Variants in RBPJ observed in about 807,000 individuals in gnomAD.
RBPJ encodes the protein recombination signal binding protein for immunoglobulin kappa J region.
RBPJ carries 9 observed loss-of-function variants against 67.8 expected under a neutral mutation model. That is an observed-to-expected ratio of 0.13 (90% CI 0.08 to 0.23). The LOEUF is 0.23. RBPJ is among the 10% of genes least tolerant of loss of function. RBPJ has a pLI of 1.00. For missense variants in RBPJ, 305 were observed against 595.6 expected (o/e 0.51, Z 5.08); for synonymous variants, 198 against 203.3 (o/e 0.97, Z 0.22).
At chr4:26,256,376 G>C (rs1720346360) in intron 1 of RBPJ, among the ~76,000 whole-genome samples, 1 of 152,092 alleles carries the variant, frequency 6.6e-6, no homozygotes, top group Non-Finnish European at 1.5e-5. Context: ...ACTTTATAAG[G>C]TTTCTTCACA....
intron 4 of RBPJ, among the ~76,000 whole-genome samples, chr4:26,416,136 A>G (rs954996664): frequency 6.6e-6 from 1 of 152,212 alleles, no homozygotes; most frequent in Non-Finnish European, 1.5e-5. Context: ...GAACAGCCAC[A>G]GTTGGCTTTA....
At chr4:26,146,429 CAAG>C in the RBPJ span, among the ~76,000 whole-genome samples, 3 of 152,128 alleles carry the variant, frequency 2.0e-5, no homozygotes, top group Non-Finnish European at 4.4e-5. Context: ...ACAACTAAAA[CAAG>C]AAAACATTTA....
chr4:26,179,280 G>T (rs1716899175), intron 1 of RBPJ, among the ~76,000 whole-genome samples: 1 of 150,498 alleles, frequency 6.6e-6, no homozygotes, highest in African/African-American at 2.4e-5. Context: ...GGTGGGAAGT[G>T]AGGTGATTAC....
At chr4:26,369,023 A>G (rs73121162) in intron 1 of RBPJ, among the ~76,000 whole-genome samples, 2,810 of 152,274 alleles carry the variant, frequency 0.018, 98 homozygotes, top group African/African-American at 0.063. Flanking sequence ...GATTTTGCTT[A>G]TTTTGTTGAC....
At position 26,361,058 on chromosome 4, in the gene RBPJ, CGTGTGTGTGT is replaced by C. The variant is rs55870302; in HGVS notation, c.21-25282_21-25273del. ...ATCCTTTCAGGAGTGAGTGTGTGTG[CGTGTGTGTGT>C]GTGTGTGTGTGTCACATTCAGAGCC... On this transcript the variant is annotated intron_variant, in intron 1 of 10. Coordinates refer to ENST00000355476, the MANE Select transcript of RBPJ (RefSeq NM_015874.6). Among the ~76,000 whole-genome samples, 274 of 148,770 alleles carry C rather than the reference CGTGTGTGTGT, an allele frequency of 1.8e-3. 2 individuals are homozygous for C. The highest frequency in any genetic ancestry group is 6.1e-3 in the African/African-American group (246 of 40,222).
chr4:26,415,737 AC>A (rs1232992759), intron 4 of RBPJ, 97 bp downstream of exon 4: 7 of 1,156,016 alleles, frequency 6.1e-6, no homozygotes, highest in Non-Finnish European at 8.6e-6. Context: ...TTCTTTAATA[AC>A]TATTGGTAAC....
intron 1 of RBPJ, among the ~76,000 whole-genome samples, chr4:26,238,816 G>C (rs1174341428): frequency 6.6e-6 from 1 of 152,152 alleles, no homozygotes; most frequent in Non-Finnish European, 1.5e-5. Flanking sequence ...GGGGATGGCA[G>C]GGTTTACACA....
chr4:26,344,471 G>T (rs909036207), intron 1 of RBPJ, among the ~76,000 whole-genome samples: 1 of 151,194 alleles, frequency 6.6e-6, no homozygotes, highest in African/African-American at 2.4e-5. Flanking sequence ...TCCTGACCTC[G>T]TGATCCCCCC....
At chr4:26,419,879 C>T (rs1734954930) in intron 4 of RBPJ, among the ~76,000 whole-genome samples, 3 of 152,122 alleles carry the variant, frequency 2.0e-5, no homozygotes, top group South Asian at 4.1e-4. Flanking sequence ...ATGCCTTGAG[C>T]ATTTTCTCTA....
chr4:26,319,671 C>A (rs1577425138), upstream of RBPJ: 29 of 649,632 alleles, frequency 4.5e-5, no homozygotes, highest in East Asian at 7.9e-4. Context: ...TAGTGGAAGG[C>A]GGTGGGAAGG....
At chr4:26,381,010 AT>A (rs1256825128) in intron 1 of RBPJ, among the ~76,000 whole-genome samples, 1 of 137,110 alleles carries the variant, frequency 7.3e-6, no homozygotes, top group African/African-American at 2.7e-5. Context: ...GATAGATTAG[AT>A]TTTTGCTTTT....
At chr4:26,174,422 G>A (rs1716723402) in intron 1 of RBPJ, among the ~76,000 whole-genome samples, 1 of 152,218 alleles carries the variant, frequency 6.6e-6, no homozygotes. Context: ...TTAGAGCTGT[G>A]TTTCAGAGAC....
At chr4:26,356,546 A>G (rs1216385297) in intron 1 of RBPJ, among the ~76,000 whole-genome samples, 1 of 152,228 alleles carries the variant, frequency 6.6e-6, no homozygotes, top group Non-Finnish European at 1.5e-5. Flanking sequence ...AAAATACATA[A>G]AAGTGTATAA....
intron 1 of RBPJ, among the ~76,000 whole-genome samples, chr4:26,217,070 G>A (rs188367803): frequency 1.3e-5 from 2 of 152,270 alleles, no homozygotes; most frequent in Admixed American, 6.5e-5. Context: ...AAAACATGGA[G>A]GTGGTTTGGA....
intron 1 of RBPJ, among the ~76,000 whole-genome samples, chr4:26,241,203 T>TAA (rs749378144): frequency 4.5e-4 from 44 of 98,010 alleles, no homozygotes; most frequent in South Asian, 2.7e-3. Flanking sequence ...TCTCCAAAAA[T>TAA]AAAAAAAAAA....
chr4:26,335,756 G>A (rs1406363331), intron 1 of RBPJ, among the ~76,000 whole-genome samples: 1 of 151,526 alleles, frequency 6.6e-6, no homozygotes, highest in Non-Finnish European at 1.5e-5. Context: ...GAGTAGCTGG[G>A]ACTACAGGCA....
rs567150209 is a variant in RBPJ, at chr4:26,321,622, C to G, written c.20+574C>G. The G allele has an allele frequency of 3.9e-5, 6 of 153,768 alleles. 1 individual carries two copies. The highest frequency in any genetic ancestry group is 1.4e-4 in the African/African-American group (6 of 41,578). The allele number at this position is 153,768 out of a possible 1,614,324, so 9.5% of individuals were successfully genotyped here. A position where few individuals can be genotyped will look rare whatever the true frequency, so the allele number is the denominator to read the frequency against. Reference sequence around the variant, plus strand: ...TCGTTAGCCCAGTGACCTGCCACAGCCCGGGCACCAGATTTCTGCCTTAAT... The same window carrying G: ...TCGTTAGCCCAGTGACCTGCCACAGGCCGGGCACCAGATTTCTGCCTTAAT... On this transcript the variant is annotated intron_variant, in intron 1 of 10. Coordinates refer to ENST00000355476, the MANE Select transcript of RBPJ (RefSeq NM_015874.6).
Position 26,406,193 on chromosome 4 carries a change from T to C in RBPJ, c.78T>C (p.Tyr26=), listed in dbSNP as rs746787764. ...TTTTTAGGGAAGCTATGCGAAATTA[T>C]TTAAAAGAGCGAGGGGATCAAACAG... ...KRLTREAMRN[Y]LKERGDQTVL... The change falls in exon 3 of 11, where the codon TAT becomes TAC. Residue 26 remains tyrosine, a synonymous_variant. Coordinates refer to ENST00000355476, the MANE Select transcript of RBPJ (RefSeq NM_015874.6). The C allele has an allele frequency of 1.2e-5, 19 of 1,611,494 alleles. No homozygotes were observed. The East Asian group carries it at 3.3e-4, about 28-fold the overall frequency.
intron 1 of RBPJ, among the ~76,000 whole-genome samples, chr4:26,251,978 C>T (rs1404443258): frequency 1.3e-5 from 2 of 151,610 alleles, no homozygotes; most frequent in South Asian, 4.2e-4. Context: ...GATGTGAACA[C>T]CAAAATTTTA....
Sources: allele counts gnomAD v4.1 joint callset (sites outside exome capture counted in the v4.1 genomes callset), GRCh38; gene constraint gnomAD v4.1.1; transcripts MANE v1.5; gene names NCBI Gene and HGNC (gene_info 2026-07-23, HGNC 2026-07-21).